The following GABRB1 variants were observed in gnomAD, a reference collection of about 807,000 sequenced individuals.
GABRB1 encodes gamma-aminobutyric acid type A receptor subunit beta1, also known as gamma-aminobutyric acid receptor subunit beta-1.
Under a neutral mutation model 51.6 loss-of-function variants are expected in GABRB1, and 17 were observed. The ratio of observed to expected loss-of-function variants is 0.33; its 90% CI spans 0.23 to 0.49. The LOEUF (loss-of-function observed/expected upper bound fraction) is 0.49. Ranked by LOEUF, GABRB1 falls within the 20% of genes least tolerant of loss-of-function variation. The pLI is 0.99. For missense variants in GABRB1, 410 were observed against 600.6 expected (o/e 0.68, Z 3.32); for synonymous variants, 247 against 218.9 (o/e 1.13, Z -1.14).
At chr4:47,348,741 T>A (rs1455962669) in intron 5 of GABRB1, among the ~76,000 whole-genome samples, 4 of 152,190 alleles carry the variant, frequency 2.6e-5, no homozygotes, top group Non-Finnish European at 1.5e-5. Flanking sequence ...ATAGTTAATA[T>A]GATAAGATTT....
intron 3 of GABRB1, among the ~76,000 whole-genome samples, chr4:47,047,771 T>C (rs1282163044): frequency 6.6e-6 from 1 of 152,140 alleles, no homozygotes; most frequent in Non-Finnish European, 1.5e-5. Flanking sequence ...TAATTCATAT[T>C]GGATCTACTG....
At position 47,190,320 on chromosome 4, in the gene GABRB1, C is replaced by T. The variant is rs146362494; in HGVS notation, c.461+28851C>T. ...GTACTGCCACCTGTTCTCTGCTAACCATACCCAACTCTATCTAAAGTCATT... is the reference window on the plus strand; with the variant it reads ...GTACTGCCACCTGTTCTCTGCTAACTATACCCAACTCTATCTAAAGTCATT... On this transcript the variant is annotated intron_variant, in intron 4 of 8. Transcript: ENST00000295454. Among the ~76,000 whole-genome samples the T allele has an allele frequency of 1.2e-4, 19 of 152,242 alleles. No homozygotes were observed. The East Asian group carries it at 3.1e-3, about 25-fold the overall frequency.
At chr4:47,402,684 T>G (rs1728436433) in intron 5 of GABRB1, among the ~76,000 whole-genome samples, 1 of 152,164 alleles carries the variant, frequency 6.6e-6, no homozygotes, top group Admixed American at 6.5e-5. Context: ...TTAACTAAAG[T>G]TCACTCTCAT....
chr4:47,420,050 A>C (rs552741710), intron 8 of GABRB1, among the ~76,000 whole-genome samples: 1 of 152,226 alleles, frequency 6.6e-6, no homozygotes, highest in Non-Finnish European at 1.5e-5. Flanking sequence ...GGTTTGAGGA[A>C]TATATGATTA....
intron 4 of GABRB1, among the ~76,000 whole-genome samples, chr4:47,188,761 A>G (rs1033125858): frequency 1.3e-5 from 2 of 151,996 alleles, no homozygotes; most frequent in Non-Finnish European, 2.9e-5. Flanking sequence ...AAGATCACTG[A>G]TAGTATCCAA....
At chr4:47,041,083 A>C (rs1265720918) in intron 3 of GABRB1, among the ~76,000 whole-genome samples, 1 of 152,156 alleles carries the variant, frequency 6.6e-6, no homozygotes, top group Admixed American at 6.6e-5. Flanking sequence ...GCATGAAAGC[A>C]GTGTAAAGCA....
chr4:47,077,548 A>G (rs897091730), intron 3 of GABRB1, among the ~76,000 whole-genome samples: 3 of 152,008 alleles, frequency 2.0e-5, no homozygotes, highest in South Asian at 2.1e-4. Flanking sequence ...CAAGTTTTCC[A>G]TTATTTACAA....
intron 5 of GABRB1, among the ~76,000 whole-genome samples, chr4:47,337,015 A>T (rs1725724563): frequency 6.6e-6 from 1 of 152,222 alleles, no homozygotes. Flanking sequence ...AGGAGTTTGA[A>T]GTTGAAATAG....
chr4:47,059,941 A>G (rs1726777336), intron 3 of GABRB1, among the ~76,000 whole-genome samples: 1 of 152,232 alleles, frequency 6.6e-6, no homozygotes, highest in African/African-American at 2.4e-5. Context: ...TTACAGTCCA[A>G]ATCATCATTG....
intron 4 of GABRB1, among the ~76,000 whole-genome samples, chr4:47,281,711 G>C (rs1455978116): frequency 3.9e-5 from 6 of 152,106 alleles, no homozygotes; most frequent in Non-Finnish European, 8.8e-5. Context: ...ATATTATTTA[G>C]CTTTTAAAAA....
intron 8 of GABRB1, among the ~76,000 whole-genome samples, chr4:47,423,251 A>C (rs1578161730): frequency 6.6e-6 from 1 of 152,182 alleles, no homozygotes; most frequent in African/African-American, 2.4e-5. Flanking sequence ...ATAAAAATCT[A>C]TATGTTCAGG....
At chr4:47,087,847 A>C (rs1728143276) in intron 3 of GABRB1, among the ~76,000 whole-genome samples, 1 of 152,178 alleles carries the variant, frequency 6.6e-6, no homozygotes, top group South Asian at 2.1e-4. Flanking sequence ...GGAAATAATG[A>C]GTATATGTGT....
intron 5 of GABRB1, among the ~76,000 whole-genome samples, chr4:47,383,799 G>T (rs1383644158): frequency 6.6e-6 from 1 of 152,102 alleles, no homozygotes; most frequent in East Asian, 1.9e-4. Context: ...AACTAGAGTT[G>T]CATATATTCA....
At chr4:47,366,546 C>A (rs908966906) in intron 5 of GABRB1, among the ~76,000 whole-genome samples, 3 of 152,148 alleles carry the variant, frequency 2.0e-5, no homozygotes, top group African/African-American at 4.8e-5. Context: ...TTGAGATCCA[C>A]AATCTGGCTC....
chr4:47,071,055 C>T (rs1727316164), intron 3 of GABRB1, among the ~76,000 whole-genome samples: 1 of 152,216 alleles, frequency 6.6e-6, no homozygotes, highest in Admixed American at 6.5e-5. Context: ...AGAAGCAACA[C>T]CATTCTTCTA....
At chr4:47,309,345 C>A (rs142124245) in intron 4 of GABRB1, among the ~76,000 whole-genome samples, 147 of 152,130 alleles carry the variant, frequency 9.7e-4, no homozygotes, top group African/African-American at 3.5e-3. Flanking sequence ...AATCACCCTG[C>A]CCCAACAGAA....
chr4:47,268,676 T>C (rs1163221835), intron 4 of GABRB1, among the ~76,000 whole-genome samples: 2 of 152,146 alleles, frequency 1.3e-5, no homozygotes, highest in Admixed American at 1.3e-4. Flanking sequence ...TTGAAATGTG[T>C]AATTTCAATG....
At chr4:46,993,690 GC>G (rs1723870498), upstream of GABRB1, 2 of 372,818 alleles carry the variant, frequency 5.4e-6, no homozygotes, top group Non-Finnish European at 9.9e-6. Flanking sequence ...ACCCTTTCGT[GC>G]CCGCGCGCTG....
chr4:47,199,540 G>A (rs919044436), intron 4 of GABRB1, among the ~76,000 whole-genome samples: 1 of 152,036 alleles, frequency 6.6e-6, no homozygotes, highest in Non-Finnish European at 1.5e-5. Context: ...TATACCAGCA[G>A]CAACGTTGTT....
Sources: gnomAD v4.1 joint callset for allele counts (sites outside exome capture counted in the v4.1 genomes callset) on GRCh38, gnomAD v4.1.1 for gene constraint, MANE v1.5 for transcripts, NCBI Gene and HGNC (gene_info 2026-07-23, HGNC 2026-07-21) for gene names.